The following MDGA2 variants were observed in gnomAD, a reference collection of about 807,000 sequenced individuals.
MDGA2 encodes the protein MAM domain-containing glycosylphosphatidylinositol anchor protein 2.
In MDGA2, 40 loss-of-function variants were observed where a neutral mutation model predicts 117.8. That is an observed-to-expected ratio of 0.34 (90% CI 0.26 to 0.44). The LOEUF (loss-of-function observed/expected upper bound fraction) is 0.44. Among genes scored for constraint, MDGA2 ranks in the 20% least tolerant of loss-of-function variants. The probability of loss-of-function intolerance (pLI) is 1.00; values close to 1 mark genes in which losing one functional copy is unlikely to be tolerated. For synonymous variants in MDGA2, 452 were observed against 439.0 expected, an observed-to-expected ratio of 1.03 and a Z score of -0.37; for missense variants, 1,123 against 1,250.6, an observed-to-expected ratio of 0.90 and a Z score of 1.54.
At chr14:47,120,641 T>G (rs1254950534) in intron 5 of MDGA2, among the ~76,000 whole-genome samples, 1 of 152,162 alleles carries the variant, frequency 6.6e-6, no homozygotes, top group Non-Finnish European at 1.5e-5. Flanking sequence ...CTGAAATTAC[T>G]GTGATGCTTT....
At chr14:47,073,355 A>G (rs1209437279) in intron 6 of MDGA2, among the ~76,000 whole-genome samples, 1 of 152,192 alleles carries the variant, frequency 6.6e-6, no homozygotes, top group East Asian at 1.9e-4. Context: ...ATTTATTGGC[A>G]GTGTAATGTT....
intron 6 of MDGA2, among the ~76,000 whole-genome samples, chr14:47,070,006 T>C (rs1368318791): frequency 6.6e-6 from 1 of 152,186 alleles, no homozygotes; most frequent in East Asian, 1.9e-4. Context: ...GATTTATTTC[T>C]TTTTCTTTTT....
rs894305234 is a variant in MDGA2 at position 47,081,737 on chromosome 14, T to C, written c.1195+15117A>G. Among the ~76,000 whole-genome samples, 3 of 152,154 alleles carry C rather than the reference T, an allele frequency of 2.0e-5. No homozygotes were observed. In the South Asian group the frequency reaches 6.2e-4, roughly 31 times the overall value. ...ATCCATTACCATATTATTTTTAGTA[T>C]GCAGTGACTGCAATTCAGACATATC... is the stretch of plus-strand genomic sequence containing the variant. On this transcript the variant is annotated intron_variant, in intron 6 of 16. Transcript: ENST00000399232.
chr14:47,307,650 T>G (rs1889496526), intron 1 of MDGA2, among the ~76,000 whole-genome samples: 1 of 151,534 alleles, frequency 6.6e-6, no homozygotes, highest in African/African-American at 2.4e-5. Flanking sequence ...ATCTTGTCAC[T>G]GCACTCCAGC....
Position 47,504,381 on chromosome 14 carries a change from G to A in MDGA2, c.280+170136C>T, listed in dbSNP as rs557852931. On this transcript the variant is annotated intron_variant, in intron 1 of 16. Transcript: ENST00000399232. ...TTGATAACATTTACAACAGTTGGTG[G>A]GTAATTTTACATATACATATATTTT... Among the ~76,000 whole-genome samples, 4 of 151,912 alleles carry A rather than the reference G, an allele frequency of 2.6e-5. No homozygotes were observed. In the South Asian group the frequency reaches 8.4e-4, roughly 32 times the overall value.
Position 47,571,255 on chromosome 14 carries a change from T to G in MDGA2, c.280+103262A>C, listed in dbSNP as rs139708862. Among the ~76,000 whole-genome samples, 9 of 152,126 alleles carry G rather than the reference T, an allele frequency of 5.9e-5. No individual in the cohort carries two copies. In the East Asian group the frequency reaches 1.7e-3, roughly 29 times the overall value. ...TGATCATTAAAAAGCCAGGAAACAATAGATGCTGGAGAAGATGTGGAGAAA... is the reference window on the plus strand; with the variant it reads ...TGATCATTAAAAAGCCAGGAAACAAGAGATGCTGGAGAAGATGTGGAGAAA... On this transcript the variant is annotated intron_variant, in intron 1 of 16. Coordinates refer to ENST00000399232, the MANE Select transcript of MDGA2 (RefSeq NM_001113498.3).
chr14:47,258,572 C>G (rs933572061), intron 2 of MDGA2, among the ~76,000 whole-genome samples: 6 of 152,022 alleles, frequency 3.9e-5, no homozygotes, highest in Non-Finnish European at 7.4e-5. Flanking sequence ...CAAATCCAAA[C>G]CATAATCACA....
intron 1 of MDGA2, among the ~76,000 whole-genome samples, chr14:47,524,347 A>G (rs1313382760): frequency 6.6e-6 from 1 of 152,198 alleles, no homozygotes; most frequent in Non-Finnish European, 1.5e-5. Context: ...TTACATAAAG[A>G]CTTATTTGAT....
intron 1 of MDGA2, among the ~76,000 whole-genome samples, chr14:47,355,325 G>A (rs182623988): frequency 1.2e-3 from 183 of 152,208 alleles, no homozygotes; most frequent in African/African-American, 4.1e-3. Flanking sequence ...ATTCGCTAAC[G>A]CTGGAAGATC....
chr14:47,600,354 A>T (rs1365054848), intron 1 of MDGA2, among the ~76,000 whole-genome samples: 1 of 151,972 alleles, frequency 6.6e-6, no homozygotes, highest in Admixed American at 6.6e-5. Flanking sequence ...GAAACACTTG[A>T]ATCCGGGAGA....
chr14:47,007,786 G>T (rs1385972175), intron 8 of MDGA2, among the ~76,000 whole-genome samples: 3 of 151,838 alleles, frequency 2.0e-5, no homozygotes, highest in East Asian at 3.9e-4. Context: ...ATATAAATGT[G>T]TATCAGATTG....
In MDGA2 at chr14:47,171,839, G is replaced by A. The variant is rs145920267; in HGVS notation, c.596-27565C>T. 9.7e-3 allele frequency among the ~76,000 whole-genome samples: 1,476 copies of A among 152,292 alleles called. 22 individuals carry two copies. The highest frequency in any genetic ancestry group is 0.029 in the African/African-American group (1,214 of 41,580). ...CACCATGCGCGAGCTGAAGCAGGGC[G>A]AGGCATTGCCTTACTCAGGAAGCAC... On this transcript the variant is annotated intron_variant, in intron 3 of 16. Coordinates refer to ENST00000399232, the MANE Select transcript of MDGA2 (RefSeq NM_001113498.3).
At chr14:47,479,226 T>C (rs575438945) in intron 1 of MDGA2, among the ~76,000 whole-genome samples, 1 of 152,132 alleles carries the variant, frequency 6.6e-6, no homozygotes, top group African/African-American at 2.4e-5. Context: ...GCTTAATTTT[T>C]GAATAAGGCC....
intron 3 of MDGA2, among the ~76,000 whole-genome samples, chr14:47,175,316 T>C (rs1884387071): frequency 6.6e-6 from 1 of 151,892 alleles, no homozygotes; most frequent in Non-Finnish European, 1.5e-5. Context: ...AGCATCATCC[T>C]GATACCAAAG....
intron 1 of MDGA2, among the ~76,000 whole-genome samples, chr14:47,636,781 T>C (rs1253676341): frequency 4.3e-5 from 3 of 70,172 alleles, no homozygotes; most frequent in Non-Finnish European, 7.2e-5. Context: ...CGAGACTCCG[T>C]CTCAAAAAAA....
intron 8 of MDGA2, among the ~76,000 whole-genome samples, chr14:47,000,814 T>C (rs1420388931): frequency 6.6e-6 from 1 of 151,962 alleles, no homozygotes; most frequent in African/African-American, 2.4e-5. Flanking sequence ...ATAATGTTCC[T>C]TCAAGTATCA....
chr14:47,424,171 A>G (rs950030557), intron 1 of MDGA2, among the ~76,000 whole-genome samples: 2 of 152,144 alleles, frequency 1.3e-5, no homozygotes, highest in African/African-American at 4.8e-5. Flanking sequence ...CTATAATCCC[A>G]GCACTTTGGG....
chr14:47,259,797 A>G (rs1887736191), intron 2 of MDGA2, among the ~76,000 whole-genome samples: 1 of 152,114 alleles, frequency 6.6e-6, no homozygotes. Flanking sequence ...GAGAGTAGAG[A>G]GGGACCCAGG....
At chr14:47,539,924 T>C (rs1426692261) in intron 1 of MDGA2, among the ~76,000 whole-genome samples, 3 of 152,206 alleles carry the variant, frequency 2.0e-5, no homozygotes, top group Admixed American at 6.5e-5. Context: ...TAGAACACAC[T>C]AGCAAATCCA....
Sources: gnomAD v4.1 joint callset for allele counts (sites outside exome capture counted in the v4.1 genomes callset) on GRCh38, gnomAD v4.1.1 for gene constraint, MANE v1.5 for transcripts, NCBI Gene and HGNC (gene_info 2026-07-23, HGNC 2026-07-21) for gene names.